PLXNB1: variants seen among roughly 807,000 people sequenced by gnomAD.
The protein encoded by PLXNB1 is plexin B1.
Under a neutral mutation model 209.4 loss-of-function variants are expected in PLXNB1, and 106 were observed. That is an observed-to-expected ratio of 0.51 (90% CI 0.43 to 0.59). The LOEUF (loss-of-function observed/expected upper bound fraction) is 0.59. Among genes scored for constraint, PLXNB1 ranks in the 20% least tolerant of loss-of-function variants. The pLI, the probability that PLXNB1 is intolerant of heterozygous loss-of-function variation, is 0.00. For missense variants in PLXNB1, 2,357 were observed against 2,853.2 expected, an observed-to-expected ratio of 0.83 and a Z score of 3.96; for synonymous variants, 1,167 against 1,183.2, an observed-to-expected ratio of 0.99 and a Z score of 0.28.
At position 48,413,801 on chromosome 3, in the gene PLXNB1, C is replaced by T. The variant is rs1323230455; in HGVS notation, c.4404G>A (p.Leu1468=). Residue 1468 remains leucine, a synonymous_variant, in exon 23 of 38, where the codon TTG becomes TTA. Coordinates refer to ENST00000296440, the MANE Select transcript of PLXNB1 (RefSeq NM_001130082.3). This position sits in a 1 kb window ranked among gnomAD's most constrained non-coding sequence, Gnocchi z 5.4. ...ACTGCACGTGACCCAGGGAGAAGCG[C>T]AAGTTCCCCATCTGCACCTGTGTCA... is the stretch of plus-strand genomic sequence containing the variant. The part of the protein sequence containing the change: ...LPEFTVQMGN[L]RFSLGHVQYD... The T allele has an allele frequency of 6.2e-7, 1 of 1,613,456 alleles. No individual in the cohort carries two copies. The highest frequency in any genetic ancestry group is 8.5e-7 in the Non-Finnish European group (1 of 1,179,804).
At chr3:48,412,195 G>A (rs1407525793) in intron 27 of PLXNB1, 43 bp downstream of exon 27, 2 of 1,598,248 alleles carry the variant, frequency 1.3e-6, no homozygotes, top group Non-Finnish European at 1.7e-6. Flanking sequence ...TGGAGGGCCT[G>A]ACCCTCCCTG....
intron 34 of PLXNB1, among the ~76,000 whole-genome samples, chr3:48,407,389 G>C (rs1159180398): frequency 6.6e-6 from 1 of 152,094 alleles, no homozygotes; most frequent in African/African-American, 2.4e-5. Context: ...CCGGTACGTA[G>C]GGCAGGACGC....
Position 48,414,973 on chromosome 3 carries a change from C to G in PLXNB1, c.4035G>C (p.Leu1345=). ...CCACCCGGACCCAGGGGTCCTCAGG[C>G]AGGCCTGGGAGGGCAGGTGTGCGGC... ...ITCRTPALPG[L]PEDPWVRVEF... Residue 1345 remains leucine, a synonymous_variant, in exon 21 of 38, where the codon CTG becomes CTC. Coordinates refer to ENST00000296440, the MANE Select transcript of PLXNB1 (RefSeq NM_001130082.3). 6.2e-7 allele frequency: 1 copy of G among 1,613,834 alleles called. No homozygotes were observed. The highest frequency in any genetic ancestry group is 8.5e-7 in the Non-Finnish European group (1 of 1,180,040).
rs1478708099 is a variant in PLXNB1, at chr3:48,413,339, TCA to T, written c.4536-172_4536-171del. Reference sequence around the variant, plus strand: ...TTCAGCCTGTCCCGTCCCAAGCAAGTCACACACACCCATGCCCCGTCTAGCCC... The same window carrying T: ...TTCAGCCTGTCCCGTCCCAAGCAAGTCACACACCCATGCCCCGTCTAGCCC... On this transcript the variant is annotated intron_variant, in intron 23 of 37. Coordinates refer to ENST00000296440, the MANE Select transcript of PLXNB1 (RefSeq NM_001130082.3). The surrounding 1 kb of genome is among the most constrained non-coding windows in gnomAD (Gnocchi z 5.4). 3.1e-6 allele frequency: 2 copies of T among 637,166 alleles called. No homozygotes were observed. The highest frequency in any genetic ancestry group is 2.7e-5 in the East Asian group (1 of 36,708). The allele number at this position is 637,166 out of a possible 1,614,324, so 39.5% of individuals were successfully genotyped here.
In PLXNB1 at chr3:48,418,944, C is replaced by T; in HGVS notation, c.2928G>A (p.Gln976=). ...GGTGCTGCTGGCAGGTGACATGGCA[C>T]TGGGTATCTGGAGGTGGCTCACACT... is the stretch of plus-strand genomic sequence containing the variant. ...RVECEPPPDT[Q]CHVTCQQHQL... is the part of the protein sequence containing the mutation. The change falls in exon 13 of 38, where the codon CAG becomes CAA. Residue 976 remains glutamine (Q), a synonymous_variant. Transcript: ENST00000296440. This position sits in a 1 kb window ranked among gnomAD's most constrained non-coding sequence, Gnocchi z 6.6. 4 of 1,614,074 alleles carry T rather than the reference C, an allele frequency of 2.5e-6. No individual in the cohort carries two copies. Among genetic ancestry groups the T allele is most frequent in the African/African-American group, 1.3e-5 (1 of 75,052 alleles).
At position 48,411,015 on chromosome 3, in the gene PLXNB1, C is replaced by T; in HGVS notation, c.5269G>A (p.Val1757Met). 6.2e-7 allele frequency: 1 copy of T among 1,613,612 alleles called. No homozygotes were observed. Among genetic ancestry groups the T allele is most frequent in the African/African-American group, 1.3e-5 (1 of 75,062 alleles). Residue 1757 changes from valine (V) to methionine (M), a missense_variant, in exon 29 of 38, where the codon GTG (valine) becomes ATG (methionine). Around this residue, in one of 7 missense-constraint regions of PLXNB1, gnomAD observed 414 missense variants for 520.5 expected, o/e 0.80. Coordinates refer to ENST00000296440, the MANE Select transcript of PLXNB1 (RefSeq NM_001130082.3). This position sits in a 1 kb window ranked among gnomAD's most constrained non-coding sequence, Gnocchi z 4.0. ...TGGGCCTCTCCTGCCCCAGGCCCCA[C>T]AGCCAATAGTGCATTCAAGGTCTGT... is the stretch of plus-strand genomic sequence containing the variant. ...RPLTLNALLAVGPGAGEAQGV... is the reference protein window; with the variant it reads ...RPLTLNALLAMGPGAGEAQGV...
Position 48,407,009 on chromosome 3 carries a change from C to T in PLXNB1, c.6152+18G>A. On this transcript the variant is annotated intron_variant, in intron 35 of 37. Transcript: ENST00000296440. ...CTGCACACGCCCTCCAACCTCTACC[C>T]ACCGTGCCCTCCAGTACCTTTCCAC... 1 of 1,613,730 alleles carries T rather than the reference C, an allele frequency of 6.2e-7. No homozygotes were observed. The highest frequency in any genetic ancestry group is 8.5e-7 in the Non-Finnish European group (1 of 1,179,618).
rs1407703906 is a variant in PLXNB1, at chr3:48,413,647, C to T, written c.4535+23G>A. The T allele has an allele frequency of 2.5e-6, 4 of 1,590,708 alleles. No individual in the cohort carries two copies. The highest frequency in any genetic ancestry group is 3.4e-6 in the Non-Finnish European group (4 of 1,163,468). On this transcript the variant is annotated intron_variant, in intron 23 of 37. Transcript: ENST00000296440. The surrounding 1 kb of genome is among the most constrained non-coding windows in gnomAD (Gnocchi z 5.4). ...CCAGATCCCACGACCTGCCCCAGCC[C>T]AGCCACATCTGGCTGCACCCACCTG... is the stretch of plus-strand genomic sequence containing the variant.
In PLXNB1 at chr3:48,416,411, C is replaced by G; in HGVS notation, c.3415G>C (p.Gly1139Arg). 6.2e-7 allele frequency: 1 copy of G among 1,613,176 alleles called. No individual in the cohort carries two copies. The highest frequency in any genetic ancestry group is 1.1e-5 in the South Asian group (1 of 91,068). The change falls in exon 17 of 38, where the codon GGC becomes CGC. Residue 1139 changes from glycine to arginine, a missense_variant. Physicochemically the swap from Gly to Arg is moderately radical, Grantham distance 125 (BLOSUM62 -2). Around this residue, in one of 7 missense-constraint regions of PLXNB1, gnomAD observed 743 missense variants for 896.2 expected, o/e 0.83. Transcript: ENST00000296440. This position sits in a 1 kb window ranked among gnomAD's most constrained non-coding sequence, Gnocchi z 4.1. ...CCCGGCACCTCCACCGCTGTGGCGC[C>G]GGCCACCTCCTCCCCACTGGCCCCG... ...ITGASGEEVA[G>R]ATAVEVPGRG...
At chr3:48,426,507 G>A (rs1451976637) in intron 1 of PLXNB1, among the ~76,000 whole-genome samples, 3 of 152,214 alleles carry the variant, frequency 2.0e-5, no homozygotes. Flanking sequence ...CTTCTCCCAG[G>A]TCGGCTCATC....
chr3:48,429,950 G>A lies in PLXNB1; in HGVS notation c.-60+58C>T, dbSNP rs1482786030. 6.5e-6 allele frequency: 1 copy of A among 152,918 alleles called. No homozygotes were observed. Among genetic ancestry groups the A allele is most frequent in the Non-Finnish European group, 1.5e-5 (1 of 68,656 alleles). The allele number at this position is 152,918 out of a possible 1,614,324, so 9.5% of individuals were successfully genotyped here. Reference sequence around the variant, plus strand: ...AGCGCCCGGCCTCGCCCCGCGCCCGGAGCTCCCTTTCCCTTCCTTACCCGG... The same window carrying A: ...AGCGCCCGGCCTCGCCCCGCGCCCGAAGCTCCCTTTCCCTTCCTTACCCGG... On this transcript the variant is annotated intron_variant, in intron 1 of 37. Transcript: ENST00000296440. The surrounding 1 kb of genome is among the most constrained non-coding windows in gnomAD (Gnocchi z 6.4).
At position 48,415,621 on chromosome 3, in the gene PLXNB1, G is replaced by A. The variant is rs1346960610; in HGVS notation, c.3756C>T (p.Pro1252=). 1 of 1,584,134 alleles carries A rather than the reference G, an allele frequency of 6.3e-7. No individual in the cohort carries two copies. The highest frequency in any genetic ancestry group is 8.6e-7 in the Non-Finnish European group (1 of 1,164,908). The change falls in exon 19 of 38, where the codon CCC becomes CCT. Residue 1252 remains proline, a synonymous_variant. Coordinates refer to ENST00000296440, the MANE Select transcript of PLXNB1 (RefSeq NM_001130082.3). This position sits in a 1 kb window ranked among gnomAD's most constrained non-coding sequence, Gnocchi z 5.0. Reference sequence around the variant, plus strand: ...TGGTGGGGCCAGCAGAGGTGATGTTGGGGTCCAAGGTATACTTGAACTGTC... The same window carrying A: ...TGGTGGGGCCAGCAGAGGTGATGTTAGGGTCCAAGGTATACTTGAACTGTC... ...QRGQFKYTLD[P]NITSAGPTKS... is the part of the protein sequence containing the mutation.
chr3:48,419,167 C>A lies in PLXNB1; in HGVS notation c.2832+77G>T, dbSNP rs2038316171. The A allele has an allele frequency of 6.4e-7, 1 of 1,555,630 alleles. No individual in the cohort carries two copies. Among genetic ancestry groups the A allele is most frequent in the South Asian group, 1.2e-5 (1 of 82,270 alleles). ...TGAGCCCTCGGACTCTGCCCTCCTC[C>A]TGCTCCCCAGGGCTTGTGCAGAGTT... On this transcript the variant is annotated intron_variant, in intron 12 of 37. Coordinates refer to ENST00000296440, the MANE Select transcript of PLXNB1 (RefSeq NM_001130082.3). The surrounding 1 kb of genome is among the most constrained non-coding windows in gnomAD (Gnocchi z 5.7).
In PLXNB1 at chr3:48,413,662, G is replaced by T; in HGVS notation, c.4535+8C>A. 2 of 1,601,636 alleles carry T rather than the reference G, an allele frequency of 1.2e-6. No homozygotes were observed. Among genetic ancestry groups the T allele is most frequent in the Non-Finnish European group, 8.5e-7 (1 of 1,170,598 alleles). On this transcript the variant is annotated splice_region_variant and intron_variant, in intron 23 of 37. Transcript: ENST00000296440. This position sits in a 1 kb window ranked among gnomAD's most constrained non-coding sequence, Gnocchi z 5.4. ...TGCCCCAGCCCAGCCACATCTGGCT[G>T]CACCCACCTGTACATGAGGACAATG...
In PLXNB1 at chr3:48,415,394, C is replaced by T. The variant is rs778750435; in HGVS notation, c.3795-47G>A. 6.3e-7 allele frequency: 1 copy of T among 1,582,694 alleles called. No individual in the cohort carries two copies. The highest frequency in any genetic ancestry group is 8.6e-7 in the Non-Finnish European group (1 of 1,158,268). ...CGTAACGTAAGATGGCTTATGTTAC[C>T]TGGACCTAAAGCACAGCCCAGTCCC... On this transcript the variant is annotated intron_variant, in intron 19 of 37. Coordinates refer to ENST00000296440, the MANE Select transcript of PLXNB1 (RefSeq NM_001130082.3). The surrounding 1 kb of genome is among the most constrained non-coding windows in gnomAD (Gnocchi z 5.0).
chr3:48,421,010 CCA>C, intron 8 of PLXNB1, 54 bp from the exon 9 acceptor site: 2 of 1,459,822 alleles, frequency 1.4e-6, no homozygotes, highest in South Asian at 2.3e-5. Context: ...GCACTCAGAC[CCA>C]GAGCCGATAT....
chr3:48,405,639 C>T lies in PLXNB1; in HGVS notation c.6303+85G>A. ...TGTCCCTGGGGAAGACCAAAGCCCC[C>T]AACGTGAGTCACAGGGTCAGAGCCC... is the stretch of plus-strand genomic sequence containing the variant. On this transcript the variant is annotated intron_variant, in intron 37 of 37. Transcript: ENST00000296440. The surrounding 1 kb of genome is among the most constrained non-coding windows in gnomAD (Gnocchi z 5.0). 2 of 1,072,684 alleles carry T rather than the reference C, an allele frequency of 1.9e-6. No homozygotes were observed. Among genetic ancestry groups the T allele is most frequent in the South Asian group, 2.7e-5 (2 of 75,344 alleles). The allele number at this position is 1,072,684 out of a possible 1,614,324, so 66.4% of individuals were successfully genotyped here. A position where few individuals can be genotyped will look rare whatever the true frequency, so the allele number is the denominator to read the frequency against.
chr3:48,421,172 C>A, intron 8 of PLXNB1, 56 bp downstream of exon 8: 1 of 1,572,772 alleles, frequency 6.4e-7, no homozygotes, highest in Non-Finnish European at 8.6e-7. Flanking sequence ...TTAACCCCAC[C>A]GCATCCCCTG....
In PLXNB1 at chr3:48,406,527, G is replaced by T; in HGVS notation, c.6228+296C>A. 1.0e-6 allele frequency: 1 copy of T among 975,912 alleles called. No homozygotes were observed. Among genetic ancestry groups the T allele is most frequent in the Non-Finnish European group, 1.2e-6 (1 of 821,356 alleles). 60.5% of individuals were successfully genotyped at this position (975,912 alleles called of 1,614,324 possible). A position where few individuals can be genotyped will look rare whatever the true frequency, so the allele number is the denominator to read the frequency against. ...GAAGCACAGCAGTGGGAAGACGCAT[G>T]CAGGCAGACCCAGGCAGGCCTGGGG... is the stretch of plus-strand genomic sequence containing the variant. On this transcript the variant is annotated intron_variant, in intron 36 of 37. Coordinates refer to ENST00000296440, the MANE Select transcript of PLXNB1 (RefSeq NM_001130082.3). The surrounding 1 kb of genome is among the most constrained non-coding windows in gnomAD (Gnocchi z 4.4).
Sources: gnomAD v4.1 joint callset for allele counts (sites outside exome capture counted in the v4.1 genomes callset) on GRCh38, gnomAD v4.1.1 for gene constraint, gnomAD v4.1.1 regional missense constraint, Gnocchi (gnomAD v3.1) non-coding constraint, MANE v1.5 for transcripts, NCBI Gene and HGNC (gene_info 2026-07-23, HGNC 2026-07-21) for gene names.